SLC24A2: variants seen among roughly 807,000 people sequenced by gnomAD.
The protein encoded by SLC24A2 is sodium/potassium/calcium exchanger 2.
Under a neutral mutation model 62.0 loss-of-function variants are expected in SLC24A2, and 36 were observed. That is an observed-to-expected ratio of 0.58 (90% CI 0.44 to 0.77). The LOEUF is 0.77. Ranked by LOEUF, SLC24A2 falls within the 30% of genes least tolerant of loss-of-function variation. The pLI, the probability that SLC24A2 is intolerant of heterozygous loss-of-function variation, is 0.00. For missense variants in SLC24A2, 846 were observed against 817.9 expected, an observed-to-expected ratio of 1.03 and a Z score of -0.42; for synonymous variants, 358 against 294.0, an observed-to-expected ratio of 1.22 and a Z score of -2.23.
At chr9:20,173,753 C>T in the SLC24A2 span, among the ~76,000 whole-genome samples, 1 of 151,890 alleles carries the variant, frequency 6.6e-6, no homozygotes, top group Non-Finnish European at 1.5e-5. Context: ...AGAATCAACA[C>T]AGTGAAAATA....
At chr9:19,536,333 C>T (rs894516090) in intron 8 of SLC24A2, among the ~76,000 whole-genome samples, 2 of 142,888 alleles carry the variant, frequency 1.4e-5, no homozygotes, top group Non-Finnish European at 3.0e-5. Flanking sequence ...GTATATCTCC[C>T]AATGCTATCC....
chr9:20,287,069 A>C, the SLC24A2 span, among the ~76,000 whole-genome samples: 3 of 152,344 alleles, frequency 2.0e-5, no homozygotes, highest in African/African-American at 4.8e-5. Context: ...TTCCTAAATA[A>C]ACATGCCAGG....
chr9:19,866,532 A>T, the SLC24A2 span, among the ~76,000 whole-genome samples: 2 of 151,876 alleles, frequency 1.3e-5, no homozygotes. Flanking sequence ...AAATATAGCG[A>T]GATTCAGTCA....
chr9:19,577,675 T>A (rs151076732), intron 5 of SLC24A2, among the ~76,000 whole-genome samples: 1 of 152,134 alleles, frequency 6.6e-6, no homozygotes, highest in Non-Finnish European at 1.5e-5. Flanking sequence ...CAAGGAAGGA[T>A]CAACTGAGTG....
At chr9:19,766,336 C>G (rs1822514095) in intron 2 of SLC24A2, among the ~76,000 whole-genome samples, 1 of 152,142 alleles carries the variant, frequency 6.6e-6, no homozygotes, top group Non-Finnish European at 1.5e-5. Context: ...GTTTTGTTCC[C>G]TTGCTGGTGA....
At chr9:19,778,014 T>C (rs1822893548) in intron 2 of SLC24A2, among the ~76,000 whole-genome samples, 1 of 152,188 alleles carries the variant, frequency 6.6e-6, no homozygotes, top group Non-Finnish European at 1.5e-5. Flanking sequence ...GGATTTATTA[T>C]TTTGATGAGA....
chr9:19,855,027 C>G, the SLC24A2 span, among the ~76,000 whole-genome samples: 14 of 152,160 alleles, frequency 9.2e-5, no homozygotes, highest in East Asian at 2.3e-3. Context: ...TGAATTGAAC[C>G]CTTTACCATT....
At chr9:19,752,017 T>C (rs1218086887) in intron 2 of SLC24A2, among the ~76,000 whole-genome samples, 3 of 152,196 alleles carry the variant, frequency 2.0e-5, no homozygotes, top group Non-Finnish European at 2.9e-5. Context: ...CAAATTAGAA[T>C]GTACAATGTG....
chr9:19,631,312 T>G (rs1250079339), intron 2 of SLC24A2, among the ~76,000 whole-genome samples: 1 of 152,214 alleles, frequency 6.6e-6, no homozygotes. Flanking sequence ...CTCCTGGCAT[T>G]TGATACTGCG....
the SLC24A2 span, among the ~76,000 whole-genome samples, chr9:20,028,376 T>G: frequency 1.3e-5 from 2 of 152,200 alleles, no homozygotes; most frequent in Non-Finnish European, 2.9e-5. Context: ...TTCAATACTT[T>G]TAACCTTCCT....
the SLC24A2 span, among the ~76,000 whole-genome samples, chr9:20,133,767 G>A: frequency 6.6e-6 from 1 of 151,976 alleles, no homozygotes; most frequent in Non-Finnish European, 1.5e-5. Context: ...GTTTAATTCA[G>A]GAAAATAAAA....
chr9:19,918,595 G>A, the SLC24A2 span, among the ~76,000 whole-genome samples: 1 of 152,120 alleles, frequency 6.6e-6, no homozygotes, highest in Non-Finnish European at 1.5e-5. Context: ...GATGCAGGCT[G>A]AGGTTGTCTG....
the SLC24A2 span, among the ~76,000 whole-genome samples, chr9:20,122,138 T>G: frequency 5.3e-5 from 8 of 152,190 alleles, no homozygotes; most frequent in African/African-American, 1.9e-4. Context: ...TAAGGGTCTC[T>G]TGTTCACAAG....
chr9:20,018,423 C>A, the SLC24A2 span, among the ~76,000 whole-genome samples: 7 of 152,206 alleles, frequency 4.6e-5, no homozygotes, highest in African/African-American at 1.4e-4. Flanking sequence ...AATCTATACA[C>A]TAAAACATTA....
chr9:19,979,763 C>T, the SLC24A2 span, among the ~76,000 whole-genome samples: 1 of 152,094 alleles, frequency 6.6e-6, no homozygotes, highest in Non-Finnish European at 1.5e-5. Context: ...TTAAAATTGC[C>T]ATAAGACATA....
the SLC24A2 span, among the ~76,000 whole-genome samples, chr9:20,238,875 A>G: frequency 6.6e-6 from 1 of 152,354 alleles, no homozygotes; most frequent in Middle Eastern, 3.4e-3. Flanking sequence ...GTGGCCTTAT[A>G]AGAAGAGGAA....
At chr9:19,613,264 A>T (rs1817672070) in intron 4 of SLC24A2, among the ~76,000 whole-genome samples, 1 of 152,202 alleles carries the variant, frequency 6.6e-6, no homozygotes, top group African/African-American at 2.4e-5. Context: ...AGACTGTGGT[A>T]TTCCTTTCTC....
At chr9:20,091,879 G>A in the SLC24A2 span, among the ~76,000 whole-genome samples, 18,235 of 152,060 alleles carry the variant, frequency 0.12, 1,642 homozygotes, top group Admixed American at 0.31. Context: ...AAGAAAATAT[G>A]GTACATATAT....
At chr9:20,105,069 T>A in the SLC24A2 span, among the ~76,000 whole-genome samples, 2 of 152,074 alleles carry the variant, frequency 1.3e-5, no homozygotes, top group African/African-American at 4.8e-5. Context: ...TAAAACAGAC[T>A]TTAAACCAAC....
Sources: gnomAD v4.1 joint callset for allele counts (sites outside exome capture counted in the v4.1 genomes callset) on GRCh38, gnomAD v4.1.1 for gene constraint, MANE v1.5 for transcripts, NCBI Gene and HGNC (gene_info 2026-07-23, HGNC 2026-07-21) for gene names.